ITGA9: variants seen among roughly 807,000 people sequenced by gnomAD.
The protein encoded by ITGA9 is integrin subunit alpha 9.
In ITGA9, 56 loss-of-function variants were observed where a neutral mutation model predicts 127.8. That is an observed-to-expected ratio of 0.44 (90% CI 0.35 to 0.55). ITGA9 has a LOEUF of 0.55. ITGA9 is among the 20% of genes least tolerant of loss of function. The pLI is 0.00. For synonymous variants in ITGA9, 508 were observed against 514.5 expected, an observed-to-expected ratio of 0.99 and a Z score of 0.17; for missense variants, 1,196 against 1,347.1, an observed-to-expected ratio of 0.89 and a Z score of 1.76.
intron 18 of ITGA9, among the ~76,000 whole-genome samples, chr3:37,719,111 G>C (rs1701164004): frequency 6.6e-6 from 1 of 152,198 alleles, no homozygotes; most frequent in African/African-American, 2.4e-5. Context: ...GAACATATCA[G>C]GGGAGAGAGG....
At chr3:37,602,671 G>A (rs1344048418) in intron 15 of ITGA9, among the ~76,000 whole-genome samples, 2 of 152,024 alleles carry the variant, frequency 1.3e-5, no homozygotes, top group Non-Finnish European at 2.9e-5. Flanking sequence ...GGTTCATCCT[G>A]TCATTGTAAA....
At chr3:37,519,755 A>C (rs1699025902) in intron 11 of ITGA9, among the ~76,000 whole-genome samples, 1 of 152,252 alleles carries the variant, frequency 6.6e-6, no homozygotes, top group African/African-American at 2.4e-5. Context: ...GAAACTGATC[A>C]CAGACTGTCG....
In ITGA9 at chr3:37,519,348, C is replaced by T. The variant is rs376285441; in HGVS notation, c.1230C>T (p.Tyr410=). The change falls in exon 11 of 28, where the codon TAC becomes TAT. Residue 410 remains tyrosine, a synonymous_variant. Transcript: ENST00000264741. ...HGDAGGIVPQ[Y]SMKLSGQKIN... is the part of the protein sequence containing the mutation. ...ATGCCGGTGGGATAGTCCCTCAGTACTCAATGGTAATTAGTGTGAGAGTGA... is the reference window on the plus strand; with the variant it reads ...ATGCCGGTGGGATAGTCCCTCAGTATTCAATGGTAATTAGTGTGAGAGTGA... 1.5e-5 allele frequency: 24 copies of T among 1,611,806 alleles called. No homozygotes were observed. The highest frequency in any genetic ancestry group is 2.0e-5 in the Non-Finnish European group (23 of 1,178,098).
chr3:37,732,478 C>T (rs1696304039), intron 18 of ITGA9, among the ~76,000 whole-genome samples: 1 of 152,146 alleles, frequency 6.6e-6, no homozygotes, highest in Non-Finnish European at 1.5e-5. Context: ...GGTTTGAACC[C>T]AAAGCATTAG....
chr3:37,620,379 C>T (rs968745831), intron 15 of ITGA9, among the ~76,000 whole-genome samples: 3 of 152,160 alleles, frequency 2.0e-5, no homozygotes, highest in African/African-American at 7.2e-5. Context: ...GCCCCTCCCC[C>T]GTGATCTTGC....
At chr3:37,505,939 GT>G (rs567916278) in intron 6 of ITGA9, 60 bp from the exon 7 acceptor site, 99 of 1,194,938 alleles carry the variant, frequency 8.3e-5, no homozygotes, top group East Asian at 1.3e-4. Flanking sequence ...TCTGATGGAT[GT>G]TTTTTTTTCC....
At chr3:37,792,934 G>A (rs890963906) in intron 26 of ITGA9, among the ~76,000 whole-genome samples, 1 of 152,068 alleles carries the variant, frequency 6.6e-6, no homozygotes, top group Non-Finnish European at 1.5e-5. Context: ...GTGTCATCTC[G>A]ATGCAAAGCC....
intron 4 of ITGA9, 21 bp downstream of exon 4, chr3:37,481,628 C>T (rs1291941407): frequency 6.2e-7 from 1 of 1,614,126 alleles, no homozygotes; most frequent in Admixed American, 1.7e-5. Context: ...ATTGATTTTT[C>T]CTCATCCCCC....
chr3:37,691,858 T>C (rs1264962444), intron 18 of ITGA9, among the ~76,000 whole-genome samples: 1 of 152,226 alleles, frequency 6.6e-6, no homozygotes, highest in Non-Finnish European at 1.5e-5. Context: ...TTTTTAGAAC[T>C]CATGATGTTT....
intron 22 of ITGA9, among the ~76,000 whole-genome samples, chr3:37,747,716 C>CTTTTTTTTTTTT (rs56897652): frequency 3.6e-5 from 5 of 140,034 alleles, no homozygotes; most frequent in Non-Finnish European, 3.1e-5. Context: ...CCTTTTTTTT[C>CTTTTTTTTTTTT]TTTTTTTTTT....
intron 23 of ITGA9, among the ~76,000 whole-genome samples, chr3:37,751,317 G>A (rs997278345): frequency 1.4e-4 from 22 of 152,076 alleles, no homozygotes; most frequent in African/African-American, 5.3e-4. Context: ...CCAGTGTTCC[G>A]CACCTATGAT....
intron 16 of ITGA9, among the ~76,000 whole-genome samples, chr3:37,638,977 C>G (rs1392124309): frequency 6.6e-6 from 1 of 152,134 alleles, no homozygotes; most frequent in Non-Finnish European, 1.5e-5. Context: ...CAGGATAGGG[C>G]TTTGGCACTA....
chr3:37,728,085 G>A (rs138731460), intron 18 of ITGA9, among the ~76,000 whole-genome samples: 1 of 152,200 alleles, frequency 6.6e-6, no homozygotes, highest in Non-Finnish European at 1.5e-5. Flanking sequence ...ACTGGTCCGC[G>A]TTCCCAGTCA....
chr3:37,787,973 A>T (rs1697062188), intron 26 of ITGA9, among the ~76,000 whole-genome samples: 1 of 152,246 alleles, frequency 6.6e-6, no homozygotes, highest in Non-Finnish European at 1.5e-5. Flanking sequence ...TAGGAGTTTT[A>T]AAATGCATTT....
chr3:37,501,067 A>G (rs767988754), intron 5 of ITGA9, among the ~76,000 whole-genome samples: 21 of 152,300 alleles, frequency 1.4e-4, no homozygotes, highest in Admixed American at 7.8e-4. Context: ...ATTTATCTTT[A>G]TATCTAGTGT....
intron 18 of ITGA9, among the ~76,000 whole-genome samples, chr3:37,724,815 G>C (rs1701229591): frequency 6.6e-6 from 1 of 152,256 alleles, no homozygotes; most frequent in South Asian, 2.1e-4. Flanking sequence ...CTTCTTACCT[G>C]TCATTTGTAT....
intron 15 of ITGA9, among the ~76,000 whole-genome samples, chr3:37,558,133 A>T (rs955716682): frequency 3.3e-5 from 5 of 152,220 alleles, no homozygotes; most frequent in South Asian, 2.1e-4. Flanking sequence ...GGAAAGCTCA[A>T]TGTGGGTCTG....
rs58198544 is a variant in ITGA9, at chr3:37,739,054, A to G, written c.2234+2071A>G. Among the ~76,000 whole-genome samples the G allele has an allele frequency of 3.7e-3, 566 of 152,344 alleles. 4 individuals are homozygous for G. Among genetic ancestry groups the G allele is most frequent in the African/African-American group, 0.013 (531 of 41,578 alleles). On this transcript the variant is annotated intron_variant, in intron 20 of 27. Transcript: ENST00000264741. ...AATGGAGTTTTCAGAAGGGCTCACC[A>G]AATGATTCTAATGAGCAGCCAAGGC...
chr3:37,573,588 C>T (rs1291615627), intron 15 of ITGA9, among the ~76,000 whole-genome samples: 3 of 152,164 alleles, frequency 2.0e-5, no homozygotes, highest in African/African-American at 7.2e-5. Flanking sequence ...TACGTGTGGC[C>T]TCTCAATGTG....
Sources: gnomAD v4.1 joint callset for allele counts (sites outside exome capture counted in the v4.1 genomes callset) on GRCh38, gnomAD v4.1.1 for gene constraint, MANE v1.5 for transcripts, NCBI Gene and HGNC (gene_info 2026-07-23, HGNC 2026-07-21) for gene names.